HECW2: variants seen among roughly 807,000 people sequenced by gnomAD.
The protein encoded by HECW2 is HECT, C2 and WW domain containing E3 ubiquitin protein ligase 2.
HECW2 carries 61 observed loss-of-function variants against 175.2 expected under a neutral mutation model. The observed-to-expected ratio is 0.35, with a 90% CI of 0.28 to 0.43. The LOEUF is 0.43. Among genes scored for constraint, HECW2 ranks in the 20% least tolerant of loss-of-function variants. The pLI is 1.00. For synonymous variants in HECW2, 671 were observed against 731.0 expected (o/e 0.92, Z 1.32); for missense variants, 1,524 against 2,000.5 (o/e 0.76, Z 4.54).
At chr2:196,466,328 C>T in intron 1 of HECW2, among the ~76,000 whole-genome samples, 1 of 152,226 alleles carries the variant, frequency 6.6e-6, no homozygotes, top group Non-Finnish European at 1.5e-5. Flanking sequence ...AAAATATTTA[C>T]ACTTCAATGA....
intron 2 of HECW2, among the ~76,000 whole-genome samples, chr2:196,368,933 TCTGA>T (rs1367234132): frequency 1.3e-5 from 2 of 152,158 alleles, no homozygotes; most frequent in Non-Finnish European, 2.9e-5. Flanking sequence ...GAATTCTCTG[TCTGA>T]CTGACCACAA....
intron 2 of HECW2, among the ~76,000 whole-genome samples, chr2:196,368,859 G>C (rs1250064523): frequency 6.6e-6 from 1 of 151,930 alleles, no homozygotes; most frequent in Non-Finnish European, 1.5e-5. Context: ...TTATCTGATA[G>C]GATTCAAAAT....
chr2:196,580,464 G>A (rs934402285), intron 1 of HECW2, among the ~76,000 whole-genome samples: 5 of 152,070 alleles, frequency 3.3e-5, no homozygotes, highest in African/African-American at 9.6e-5. Flanking sequence ...ATAATACAAG[G>A]AAGTCTTAAA....
At chr2:196,281,947 A>G (rs1690205029) in intron 14 of HECW2, among the ~76,000 whole-genome samples, 1 of 152,242 alleles carries the variant, frequency 6.6e-6, no homozygotes, top group Admixed American at 6.5e-5. Context: ...TGGGGATCAT[A>G]ACTACATTAA....
At chr2:196,220,754 A>AT (rs1327283057) in intron 25 of HECW2, 41 bp downstream of exon 25, 2 of 1,601,222 alleles carry the variant, frequency 1.2e-6, no homozygotes, top group African/African-American at 2.7e-5. Flanking sequence ...GGCATCATTG[A>AT]TATCAGACTG....
intron 2 of HECW2, among the ~76,000 whole-genome samples, chr2:196,352,045 AT>A (rs1693188452): frequency 6.6e-6 from 1 of 152,254 alleles, no homozygotes; most frequent in Non-Finnish European, 1.5e-5. Context: ...TCACAACTGA[AT>A]GTACCAAATG....
chr2:196,350,981 G>C (rs1693150782), intron 2 of HECW2, among the ~76,000 whole-genome samples: 1 of 152,262 alleles, frequency 6.6e-6, no homozygotes, highest in East Asian at 1.9e-4. Context: ...CTAGACATAT[G>C]TATTTCTTTA....
chr2:196,588,874 AT>A (rs1384806232), intron 1 of HECW2, among the ~76,000 whole-genome samples: 1 of 152,132 alleles, frequency 6.6e-6, no homozygotes, highest in East Asian at 1.9e-4. Flanking sequence ...CCTTGTCTGG[AT>A]TTTTTTAAAT....
chr2:196,507,115 ACACT>A (rs1340469594), intron 1 of HECW2, among the ~76,000 whole-genome samples: 1 of 150,380 alleles, frequency 6.6e-6, no homozygotes, highest in African/African-American at 2.4e-5. Context: ...TATTACACAC[ACACT>A]AACATGTGTA....
chr2:196,445,628 G>A, intron 1 of HECW2, among the ~76,000 whole-genome samples: 1 of 152,176 alleles, frequency 6.6e-6, no homozygotes, highest in East Asian at 1.9e-4. Flanking sequence ...GAAAGCAACT[G>A]CCTTCTGTAC....
chr2:196,268,695 T>C (rs113880824), intron 17 of HECW2, among the ~76,000 whole-genome samples: 2,317 of 152,336 alleles, frequency 0.015, 52 homozygotes, highest in South Asian at 0.11. Context: ...TTGAGTTTCC[T>C]GTTTTGTGGG....
intron 2 of HECW2, among the ~76,000 whole-genome samples, chr2:196,418,979 A>G (rs1695333564): frequency 6.6e-6 from 1 of 152,218 alleles, no homozygotes; most frequent in Non-Finnish European, 1.5e-5. Flanking sequence ...TCCTCAATAA[A>G]AAAGTATTTA....
At chr2:196,517,056 C>T (rs1205083627) in intron 1 of HECW2, among the ~76,000 whole-genome samples, 1 of 152,222 alleles carries the variant, frequency 6.6e-6, no homozygotes. Context: ...GACTTCCTCC[C>T]AGAGAGACAC....
intron 13 of HECW2, among the ~76,000 whole-genome samples, chr2:196,299,682 C>A (rs1285755832): frequency 6.6e-6 from 1 of 152,228 alleles, no homozygotes; most frequent in African/African-American, 2.4e-5. Flanking sequence ...GTAATCCCAG[C>A]ACTTTGGGAG....
At chr2:196,365,713 A>G (rs1693725804) in intron 2 of HECW2, among the ~76,000 whole-genome samples, 1 of 152,198 alleles carries the variant, frequency 6.6e-6, no homozygotes, top group African/African-American at 2.4e-5. Flanking sequence ...AAATACGTGT[A>G]TTTTTAAATT....
At chr2:196,334,733 G>T (rs1006732238) in intron 3 of HECW2, among the ~76,000 whole-genome samples, 1 of 152,136 alleles carries the variant, frequency 6.6e-6, no homozygotes, top group African/African-American at 2.4e-5. Context: ...TCAGAAAAAT[G>T]ATGCACCAAA....
chr2:196,321,701 A>C (rs1010908433), intron 7 of HECW2, among the ~76,000 whole-genome samples: 1 of 152,082 alleles, frequency 6.6e-6, no homozygotes, highest in Non-Finnish European at 1.5e-5. Context: ...TGCCCGGCCA[A>C]CTTATTCTTA....
chr2:196,466,186 C>T (rs1293234897), intron 1 of HECW2, among the ~76,000 whole-genome samples: 1 of 152,154 alleles, frequency 6.6e-6, no homozygotes, highest in Non-Finnish European at 1.5e-5. Flanking sequence ...CAGTGTTACC[C>T]AAATCTATTA....
chr2:196,207,143 G>C (rs1419579199), intron 28 of HECW2, among the ~76,000 whole-genome samples: 1 of 152,228 alleles, frequency 6.6e-6, no homozygotes, highest in African/African-American at 2.4e-5. Flanking sequence ...GAAGCCAGGA[G>C]TGTTCTTGCA....
Sources: allele counts gnomAD v4.1 joint callset (sites outside exome capture counted in the v4.1 genomes callset), GRCh38; gene constraint gnomAD v4.1.1; transcripts MANE v1.5; gene names NCBI Gene and HGNC (gene_info 2026-07-23, HGNC 2026-07-21).